The following HECW2 variants were observed in gnomAD, a reference collection of about 807,000 sequenced individuals.
HECW2 encodes the protein E3 ubiquitin-protein ligase HECW2.
Under a neutral mutation model 175.2 loss-of-function variants are expected in HECW2, and 61 were observed. The ratio of observed to expected loss-of-function variants is 0.35; its 90% CI spans 0.28 to 0.43. The LOEUF is 0.43. HECW2 is among the 20% of genes least tolerant of loss of function. The pLI is 1.00. For synonymous variants in HECW2, 671 were observed against 731.0 expected (o/e 0.92, Z 1.32); for missense variants, 1,524 against 2,000.5 (o/e 0.76, Z 4.54).
intron 1 of HECW2, among the ~76,000 whole-genome samples, chr2:196,513,630 T>C (rs1421809101): frequency 6.6e-6 from 1 of 152,142 alleles, no homozygotes; most frequent in Non-Finnish European, 1.5e-5. Flanking sequence ...TAGAAGACAA[T>C]ATAAAAACAG....
chr2:196,525,710 A>C (rs1688615683), intron 1 of HECW2, among the ~76,000 whole-genome samples: 1 of 151,440 alleles, frequency 6.6e-6, no homozygotes, highest in Admixed American at 6.6e-5. Flanking sequence ...TTGTCTGTGA[A>C]GTATTTTATT....
intron 17 of HECW2, among the ~76,000 whole-genome samples, chr2:196,262,266 A>C (rs949946803): frequency 2.1e-4 from 32 of 152,156 alleles, no homozygotes; most frequent in African/African-American, 7.7e-4. Context: ...GCCTCAAGTG[A>C]TCCTCCTGCC....
chr2:196,202,699 A>C (rs1056702687), intron 28 of HECW2, among the ~76,000 whole-genome samples: 3 of 152,202 alleles, frequency 2.0e-5, no homozygotes, highest in African/African-American at 4.8e-5. Context: ...TGAGATAATA[A>C]AGGGATAATA....
At chr2:196,328,520 A>G (rs1292012807) in intron 5 of HECW2, among the ~76,000 whole-genome samples, 1 of 152,224 alleles carries the variant, frequency 6.6e-6, no homozygotes, top group Non-Finnish European at 1.5e-5. Flanking sequence ...ACTGATGTGT[A>G]CACTTTAGTC....
At chr2:196,309,336 A>G (rs1691393054) in intron 10 of HECW2, among the ~76,000 whole-genome samples, 1 of 152,238 alleles carries the variant, frequency 6.6e-6, no homozygotes, top group South Asian at 2.1e-4. Context: ...GGGCTGAACA[A>G]AAGCACCACA....
At chr2:196,441,501 G>C (rs1696043564) in intron 1 of HECW2, among the ~76,000 whole-genome samples, 1 of 152,038 alleles carries the variant, frequency 6.6e-6, no homozygotes, top group African/African-American at 2.4e-5. Context: ...TTATAGTCAA[G>C]ATATAATTAG....
chr2:196,293,365 G>A (rs192270260), intron 13 of HECW2, among the ~76,000 whole-genome samples: 65 of 152,212 alleles, frequency 4.3e-4, no homozygotes, highest in African/African-American at 1.4e-3. Flanking sequence ...GCATTCCATG[G>A]TATATATATG....
At chr2:196,562,333 T>A (rs1690030243) in intron 1 of HECW2, among the ~76,000 whole-genome samples, 1 of 152,214 alleles carries the variant, frequency 6.6e-6, no homozygotes, top group East Asian at 1.9e-4. Context: ...GTAAAACCAC[T>A]TATACCAGAA....
intron 2 of HECW2, among the ~76,000 whole-genome samples, chr2:196,399,385 G>T (rs1285363183): frequency 6.6e-6 from 1 of 152,172 alleles, no homozygotes; most frequent in Non-Finnish European, 1.5e-5. Flanking sequence ...GACTACTCTG[G>T]GCTAAACTGC....
chr2:196,571,525 A>T (rs1252190045), intron 1 of HECW2, among the ~76,000 whole-genome samples: 1 of 152,134 alleles, frequency 6.6e-6, no homozygotes, highest in East Asian at 1.9e-4. Flanking sequence ...CCTGGCCAAC[A>T]TGGTGAAACC....
intron 1 of HECW2, among the ~76,000 whole-genome samples, chr2:196,477,897 C>T (rs1380836860): frequency 1.3e-5 from 2 of 152,156 alleles, no homozygotes; most frequent in East Asian, 1.9e-4. Flanking sequence ...ACTGAAAATA[C>T]AAAAATTAGC....
intron 28 of HECW2, among the ~76,000 whole-genome samples, chr2:196,213,829 T>C: frequency 6.6e-6 from 1 of 152,158 alleles, no homozygotes. Context: ...CAGCAACCCT[T>C]CGGTGTTACT....
chr2:196,478,092 CA>C (rs1015270045), intron 1 of HECW2, among the ~76,000 whole-genome samples: 12 of 151,110 alleles, frequency 7.9e-5, no homozygotes, highest in South Asian at 2.1e-4. Flanking sequence ...CAAAAACAAA[CA>C]AAAAAAAACT....
intron 1 of HECW2, among the ~76,000 whole-genome samples, chr2:196,580,231 G>A (rs954510412): frequency 6.6e-6 from 1 of 152,170 alleles, no homozygotes; most frequent in Non-Finnish European, 1.5e-5. Context: ...AATAGTCAGA[G>A]ACATCAATAT....
At chr2:196,466,781 C>T (rs1033117126) in intron 1 of HECW2, among the ~76,000 whole-genome samples, 4 of 152,140 alleles carry the variant, frequency 2.6e-5, no homozygotes, top group African/African-American at 4.8e-5. Flanking sequence ...ATAAGGTGAG[C>T]TAGAAATGGG....
At chr2:196,542,069 C>G (rs1315081950) in intron 1 of HECW2, among the ~76,000 whole-genome samples, 8 of 152,024 alleles carry the variant, frequency 5.3e-5, no homozygotes, top group African/African-American at 1.9e-4. Flanking sequence ...CGAGACCAGT[C>G]TGGCCAACAT....
chr2:196,516,052 G>A (rs1431770919), intron 1 of HECW2, among the ~76,000 whole-genome samples: 2 of 151,980 alleles, frequency 1.3e-5, no homozygotes, highest in Admixed American at 6.6e-5. Flanking sequence ...CATGAGCATC[G>A]CTTGAACCTG....
At chr2:196,254,055 G>T in intron 18 of HECW2, 26 bp from the exon 19 acceptor site, 1 of 1,611,378 alleles carries the variant, frequency 6.2e-7, no homozygotes, top group Non-Finnish European at 8.5e-7. Flanking sequence ...AAACAAAACG[G>T]GCACTTCAGC....
At chr2:196,389,682 G>A (rs1694450838) in intron 2 of HECW2, among the ~76,000 whole-genome samples, 1 of 152,152 alleles carries the variant, frequency 6.6e-6, no homozygotes, top group African/African-American at 2.4e-5. Context: ...GACTAAGAAA[G>A]GTAACTTTGA....
Sources: allele counts gnomAD v4.1 joint callset (sites outside exome capture counted in the v4.1 genomes callset), GRCh38; gene constraint gnomAD v4.1.1; transcripts MANE v1.5; gene names NCBI Gene and HGNC (gene_info 2026-07-23, HGNC 2026-07-21).